SLC38A11: variants seen among roughly 807,000 people sequenced by gnomAD.
The protein encoded by SLC38A11 is solute carrier family 38 member 11, also known as putative sodium-coupled neutral amino acid transporter 11.
In SLC38A11, 51 loss-of-function variants were observed where a neutral mutation model predicts 49.4. The ratio of observed to expected loss-of-function variants is 1.03; its 90% CI spans 0.83 to 1.30. The LOEUF is 1.30. Among genes scored for constraint, SLC38A11 ranks in the 50% most tolerant of loss-of-function variants. The pLI is 0.00. For synonymous variants in SLC38A11, 203 were observed against 192.9 expected, an observed-to-expected ratio of 1.05 and a Z score of -0.43; for missense variants, 574 against 556.2, an observed-to-expected ratio of 1.03 and a Z score of -0.32.
intron 7 of SLC38A11, among the ~76,000 whole-genome samples, chr2:164,930,289 C>T (rs953262895): frequency 5.3e-5 from 8 of 151,960 alleles, no homozygotes; most frequent in Non-Finnish European, 7.4e-5. Flanking sequence ...AAGCCCAGGA[C>T]GAGAACGATT....
At chr2:164,910,851 C>A (rs1321410600) in intron 10 of SLC38A11, among the ~76,000 whole-genome samples, 2 of 152,064 alleles carry the variant, frequency 1.3e-5, no homozygotes, top group Non-Finnish European at 2.9e-5. Flanking sequence ...GGATTTTTAG[C>A]TGACAGCATA....
At chr2:164,911,077 A>T (rs1685366608) in intron 10 of SLC38A11, among the ~76,000 whole-genome samples, 1 of 151,938 alleles carries the variant, frequency 6.6e-6, no homozygotes, top group African/African-American at 2.4e-5. Context: ...ACACGTCTAC[A>T]TGTATAAATA....
intron 9 of SLC38A11, 110 bp downstream of exon 9, chr2:164,915,002 G>A (rs1573910247): frequency 2.0e-6 from 2 of 999,564 alleles, no homozygotes. Flanking sequence ...GGGTGGAAGA[G>A]AGTAATCTTT....
chr2:164,932,749 G>A (rs761465274), intron 7 of SLC38A11, among the ~76,000 whole-genome samples: 5 of 152,000 alleles, frequency 3.3e-5, no homozygotes, highest in Non-Finnish European at 7.4e-5. Flanking sequence ...TGGAAGTTGG[G>A]AGAAAGAAGA....
chr2:164,917,693 T>G (rs951963670), intron 7 of SLC38A11, among the ~76,000 whole-genome samples: 4 of 152,150 alleles, frequency 2.6e-5, no homozygotes, highest in African/African-American at 7.2e-5. Context: ...CCTCTTATGG[T>G]TTTTGCACTT....
rs997805329 is a variant in SLC38A11 at position 164,896,879 on chromosome 2, C to G, written c.*1558G>C. The G allele has an allele frequency of 6.6e-6, 1 of 151,996 alleles. No individual in the cohort carries two copies. Among genetic ancestry groups the G allele is most frequent in the African/African-American group, 2.4e-5 (1 of 41,376 alleles). 9.4% of individuals were successfully genotyped at this position (151,996 alleles called of 1,614,324 possible). On this transcript the variant is annotated 3_prime_UTR_variant, in exon 12 of 12. Transcript: ENST00000685975. ...TTTATTCAAACTACTGTGAACCTAC[C>G]CTTTATACACTTCCTGTAGGATTTC...
chr2:164,954,898 G>GAATAAC (rs1485950806), intron 1 of SLC38A11, among the ~76,000 whole-genome samples, 153 bp from the exon 2 acceptor site: 1 of 152,108 alleles, frequency 6.6e-6, no homozygotes, highest in Non-Finnish European at 1.5e-5. Context: ...CAGTAATAAA[G>GAATAAC]AATAACAATA....
At chr2:164,951,945 G>C (rs1278722503) in intron 3 of SLC38A11, among the ~76,000 whole-genome samples, 1 of 150,564 alleles carries the variant, frequency 6.6e-6, no homozygotes, top group Admixed American at 6.7e-5. Flanking sequence ...ATCCACCACA[G>C]CAGCAACTCC....
At chr2:164,925,937 A>C (rs929900651) in intron 7 of SLC38A11, among the ~76,000 whole-genome samples, 3 of 152,158 alleles carry the variant, frequency 2.0e-5, no homozygotes, top group Non-Finnish European at 2.9e-5. Flanking sequence ...TCCAAGCTGG[A>C]AACTTTGGTA....
chr2:164,936,895 TTCACAAATGATGTA>T, intron 7 of SLC38A11, among the ~76,000 whole-genome samples: 1 of 152,158 alleles, frequency 6.6e-6, no homozygotes, highest in Non-Finnish European at 1.5e-5. Context: ...TTATCCTTAG[TTCACAAATGATGTA>T]GTATTTTAAC....
intron 5 of SLC38A11, among the ~76,000 whole-genome samples, chr2:164,940,228 T>TTATATATA (rs5836006): frequency 3.0e-4 from 42 of 142,216 alleles, no homozygotes; most frequent in South Asian, 8.8e-4. Flanking sequence ...ATAGAAAATT[T>TTATATATA]TATATATATA....
chr2:164,910,390 G>A (rs781546992), intron 10 of SLC38A11, among the ~76,000 whole-genome samples: 7 of 152,048 alleles, frequency 4.6e-5, no homozygotes, highest in Non-Finnish European at 8.8e-5. Flanking sequence ...GTACTGAGCA[G>A]AAGCTAAAAT....
Position 164,919,996 on chromosome 2 carries a change from A to G in SLC38A11, c.618-4023T>C, listed in dbSNP as rs144956107. Among the ~76,000 whole-genome samples the G allele has an allele frequency of 4.1e-3, 623 of 152,154 alleles. 1 individual carries two copies. Among genetic ancestry groups the G allele is most frequent in the African/African-American group, 0.013 (540 of 41,534 alleles). Reference sequence around the variant, plus strand: ...TGCCCAAATGAAATAACTTCCATAGACCAGGCGTGGTGCTCACGTCCGTAA... The same window carrying G: ...TGCCCAAATGAAATAACTTCCATAGGCCAGGCGTGGTGCTCACGTCCGTAA... On this transcript the variant is annotated intron_variant, in intron 7 of 11. Coordinates refer to ENST00000685975, the MANE Select transcript of SLC38A11 (RefSeq NM_001351537.2).
intron 7 of SLC38A11, among the ~76,000 whole-genome samples, chr2:164,923,957 G>A (rs533880894): frequency 2.4e-4 from 36 of 152,224 alleles, no homozygotes; most frequent in East Asian, 1.5e-3. Context: ...AAGGAGTCCC[G>A]TTACTGGGTA....
At chr2:164,923,996 C>CA (rs1334801424) in intron 7 of SLC38A11, among the ~76,000 whole-genome samples, 4 of 152,066 alleles carry the variant, frequency 2.6e-5, no homozygotes, top group African/African-American at 9.7e-5. Flanking sequence ...AATCACTCTA[C>CA]AAAAAAGTCA....
intron 1 of SLC38A11, among the ~76,000 whole-genome samples, chr2:164,954,999 T>A (rs960072450): frequency 6.6e-6 from 1 of 151,574 alleles, no homozygotes; most frequent in Admixed American, 6.6e-5. Flanking sequence ...CAGGATCTGT[T>A]AGGAATTCAG....
At chr2:164,914,515 G>T (rs1685627539) in intron 9 of SLC38A11, among the ~76,000 whole-genome samples, 1 of 151,898 alleles carries the variant, frequency 6.6e-6, no homozygotes, top group Admixed American at 6.6e-5. Context: ...GAGACAAAAA[G>T]AAAGGTCTGG....
At chr2:164,908,562 T>TTA in intron 11 of SLC38A11, 78 bp downstream of exon 11, 1 of 1,313,826 alleles carries the variant, frequency 7.6e-7, no homozygotes, top group Non-Finnish European at 1.0e-6. Flanking sequence ...TTAAGGAAAA[T>TTA]ACATCTTATG....
chr2:164,904,734 G>A (rs1386816555), intron 11 of SLC38A11, among the ~76,000 whole-genome samples: 1 of 152,106 alleles, frequency 6.6e-6, no homozygotes, highest in Non-Finnish European at 1.5e-5. Flanking sequence ...CTCCTGGTAT[G>A]TTTTAACCCA....
Sources: allele counts gnomAD v4.1 joint callset (sites outside exome capture counted in the v4.1 genomes callset), GRCh38; gene constraint gnomAD v4.1.1; transcripts MANE v1.5; gene names NCBI Gene and HGNC (gene_info 2026-07-23, HGNC 2026-07-21).